Variants in APBB2 observed in about 807,000 individuals in gnomAD.
APBB2 encodes the protein amyloid beta precursor protein binding family B member 2.
In APBB2, 38 loss-of-function variants were observed where a neutral mutation model predicts 82.5. The ratio of observed to expected loss-of-function variants is 0.46; its 90% confidence interval spans 0.36 to 0.60. The LOEUF is 0.60. APBB2 is among the 20% of genes least tolerant of loss of function. The pLI is 0.00. For missense variants in APBB2, 772 were observed against 972.3 expected (o/e 0.79, Z 2.74); for synonymous variants, 341 against 368.2 (o/e 0.93, Z 0.85).
At chr4:41,012,839 T>G (rs1026052234) in intron 6 of APBB2, among the ~76,000 whole-genome samples, 1 of 152,190 alleles carries the variant, frequency 6.6e-6, no homozygotes, top group African/African-American at 2.4e-5. Flanking sequence ...AGAATCAGTA[T>G]AGTGGGAGCT....
At chr4:41,182,844 A>G (rs1771797848) in intron 1 of APBB2, among the ~76,000 whole-genome samples, 1 of 152,134 alleles carries the variant, frequency 6.6e-6, no homozygotes, top group African/African-American at 2.4e-5. Context: ...GCATGGGGAA[A>G]CCACCCCCAT....
intron 1 of APBB2, among the ~76,000 whole-genome samples, chr4:41,214,090 G>A (rs959653276): frequency 1.3e-5 from 2 of 152,238 alleles, no homozygotes; most frequent in Admixed American, 6.5e-5. Context: ...AGAGGGCGCC[G>A]GGAAGCGGGA....
chr4:40,930,442 TGTGTGTGCGCGCGC>T (rs1233469354), intron 10 of APBB2, among the ~76,000 whole-genome samples: 15 of 73,794 alleles, frequency 2.0e-4, no homozygotes, highest in Admixed American at 6.3e-4. Flanking sequence ...TGTGTGTGTG[TGTGTGTGCGCGCGC>T]GCGCGCGCGC....
chr4:41,199,155 T>C (rs956537358), intron 1 of APBB2, among the ~76,000 whole-genome samples: 2 of 143,364 alleles, frequency 1.4e-5, no homozygotes, highest in Non-Finnish European at 3.0e-5. Context: ...AGTTATATTT[T>C]TGGGGGGGAC....
At chr4:40,861,477 T>C (rs915810902) in intron 12 of APBB2, among the ~76,000 whole-genome samples, 1 of 152,026 alleles carries the variant, frequency 6.6e-6, no homozygotes, top group African/African-American at 2.4e-5. Context: ...CAGAGAGCTA[T>C]GATCTTGCCA....
chr4:41,148,979 T>C (rs1341609395), intron 1 of APBB2, among the ~76,000 whole-genome samples: 3 of 152,228 alleles, frequency 2.0e-5, no homozygotes, highest in Admixed American at 6.5e-5. Context: ...AAAGTATCCA[T>C]GCAAAAGTGT....
chr4:41,035,752 T>C (rs951255422), intron 4 of APBB2, among the ~76,000 whole-genome samples: 2 of 152,266 alleles, frequency 1.3e-5, no homozygotes, highest in Non-Finnish European at 1.5e-5. Context: ...GATGGTTGCA[T>C]CTGTACTGAA....
At chr4:41,119,793 T>C (rs1009710854) in intron 2 of APBB2, among the ~76,000 whole-genome samples, 3 of 152,184 alleles carry the variant, frequency 2.0e-5, no homozygotes, top group Non-Finnish European at 2.9e-5. Context: ...TATAAAAACC[T>C]TCCTATGTGG....
chr4:41,072,259 G>A (rs1207264101), intron 3 of APBB2, among the ~76,000 whole-genome samples: 1 of 152,146 alleles, frequency 6.6e-6, no homozygotes, highest in African/African-American at 2.4e-5. Context: ...TGGTAACTGG[G>A]TTTAACCTGC....
At chr4:40,962,681 A>G (rs1294271546) in intron 6 of APBB2, among the ~76,000 whole-genome samples, 1 of 151,858 alleles carries the variant, frequency 6.6e-6, no homozygotes, top group Non-Finnish European at 1.5e-5. Flanking sequence ...AAGGTTGCCT[A>G]GATAGTATCT....
chr4:41,162,504 TTCTC>T (rs1214521295), intron 1 of APBB2, among the ~76,000 whole-genome samples: 11 of 152,300 alleles, frequency 7.2e-5, no homozygotes, highest in African/African-American at 2.4e-4. Flanking sequence ...TATGCATTCT[TTCTC>T]TCTCTATCTC....
intron 1 of APBB2, among the ~76,000 whole-genome samples, chr4:41,157,065 C>CA (rs1302613201): frequency 0.19 from 13,982 of 72,392 alleles, 884 homozygotes; most frequent in Middle Eastern, 0.24. Flanking sequence ...GACTCTGTCT[C>CA]AAAAAAAAAA....
At chr4:41,028,535 C>T (rs867301464) in intron 5 of APBB2, among the ~76,000 whole-genome samples, 6 of 152,236 alleles carry the variant, frequency 3.9e-5, no homozygotes, top group Admixed American at 2.6e-4. Context: ...CCAAAGAAAG[C>T]GAAGCCAAGA....
At chr4:41,169,144 C>T (rs1340897898) in intron 1 of APBB2, among the ~76,000 whole-genome samples, 1 of 142,008 alleles carries the variant, frequency 7.0e-6, no homozygotes, top group African/African-American at 2.7e-5. Flanking sequence ...GAGATTGCGC[C>T]ACTGCACTCC....
rs1560912547 is a variant in APBB2, at chr4:41,159,937, G to GAGGAGGAGGAGGAGA, written c.-416-16796_-416-16795insTCTCCTCCTCCTCCT. On this transcript the variant is annotated intron_variant, in intron 1 of 17. Coordinates refer to ENST00000508593, the MANE Select transcript of APBB2 (RefSeq NM_004307.2). The stretch of plus-strand genomic sequence containing the variant: ...GGAGGAGGAGGAGGAGGAGGAGGAG[G>GAGGAGGAGGAGGAGA]AGGAGGAGAAGGAGAAGGAGAAGGA... Among the ~76,000 whole-genome samples, 26 of 30,644 alleles carry GAGGAGGAGGAGGAGA rather than the reference G, an allele frequency of 8.5e-4. 3 individuals are homozygous for GAGGAGGAGGAGGAGA. The highest frequency in any genetic ancestry group is 2.5e-3 in the African/African-American group (25 of 9,824). 20.1% of individuals were successfully genotyped at this position (30,644 alleles called of 152,430 possible). A position where few individuals can be genotyped will look rare whatever the true frequency, so the allele number is the denominator to read the frequency against.
At position 40,810,601 on chromosome 4, in the gene APBB2, A is replaced by AAAAAT. The variant is rs1744217104; in HGVS notation, c.*5490_*5491insATTTT. On this transcript the variant is annotated 3_prime_UTR_variant, in exon 18 of 18. Coordinates refer to ENST00000508593, the MANE Select transcript of APBB2 (RefSeq NM_004307.2). ...TCAAAAAAAAAAAAAAAAAAAAAAA[A>AAAAAT]GTGTCAATGAAGAAAGGAAACAAGA... 5 of 147,426 alleles carry AAAAAT rather than the reference A, an allele frequency of 3.4e-5. No individual in the cohort carries two copies. The highest frequency in any genetic ancestry group is 4.5e-5 in the Non-Finnish European group (3 of 66,786). 9.1% of individuals were successfully genotyped at this position (147,426 alleles called of 1,614,324 possible). A position where few individuals can be genotyped will look rare whatever the true frequency, so the allele number is the denominator to read the frequency against.
At chr4:41,171,884 G>A (rs549496577) in intron 1 of APBB2, among the ~76,000 whole-genome samples, 2 of 152,058 alleles carry the variant, frequency 1.3e-5, no homozygotes, top group Non-Finnish European at 2.9e-5. Context: ...ATCACCTGAG[G>A]TCAGGAGTTT....
intron 5 of APBB2, among the ~76,000 whole-genome samples, chr4:41,023,504 G>A (rs779357752): frequency 3.9e-5 from 6 of 152,056 alleles, no homozygotes; most frequent in Non-Finnish European, 5.9e-5. Context: ...CAAAATCAGT[G>A]TACAAAAATC....
chr4:40,925,023 G>T (rs1172196214), intron 10 of APBB2, among the ~76,000 whole-genome samples: 1 of 152,056 alleles, frequency 6.6e-6, no homozygotes, highest in Non-Finnish European at 1.5e-5. Context: ...TAACTCCAGT[G>T]ACAATTCAAA....
Sources: gnomAD v4.1 joint callset for allele counts (sites outside exome capture counted in the v4.1 genomes callset) on GRCh38, gnomAD v4.1.1 for gene constraint, MANE v1.5 for transcripts, NCBI Gene and HGNC (gene_info 2026-07-23, HGNC 2026-07-21) for gene names.